MAGI3: variants seen among roughly 807,000 people sequenced by gnomAD.
MAGI3 encodes the protein membrane-associated guanylate kinase, WW and PDZ domain-containing protein 3.
In MAGI3, 43 loss-of-function variants were observed where a neutral mutation model predicts 121.8. That is an observed-to-expected ratio of 0.35 (90% CI 0.28 to 0.46). The LOEUF is 0.46. Among genes scored for constraint, MAGI3 ranks in the 20% least tolerant of loss-of-function variants. MAGI3 has a pLI of 1.00. For missense variants in MAGI3, 1,547 were observed against 1,797.3 expected (o/e 0.86, Z 2.52); for synonymous variants, 553 against 639.3 (o/e 0.86, Z 2.04).
chr1:113,535,196 C>G (rs901756894), intron 1 of MAGI3, among the ~76,000 whole-genome samples: 1 of 151,734 alleles, frequency 6.6e-6, no homozygotes, highest in Non-Finnish European at 1.5e-5. Flanking sequence ...TATTGTTTGC[C>G]TCAAAGATTA....
chr1:113,465,692 A>G (rs577220839), intron 1 of MAGI3, among the ~76,000 whole-genome samples: 2 of 152,258 alleles, frequency 1.3e-5, no homozygotes, highest in African/African-American at 2.4e-5. Context: ...TCAGTGTTAC[A>G]TAGTTTTCAA....
intron 4 of MAGI3, among the ~76,000 whole-genome samples, chr1:113,588,052 G>C (rs1648486306): frequency 6.6e-6 from 1 of 152,206 alleles, no homozygotes; most frequent in African/African-American, 2.4e-5. Context: ...ATACCTTCTG[G>C]TGGGAGAGAC....
intron 1 of MAGI3, among the ~76,000 whole-genome samples, chr1:113,397,370 GAATTGTGAAT>G (rs901317613): frequency 6.6e-6 from 1 of 152,116 alleles, no homozygotes; most frequent in Non-Finnish European, 1.5e-5. Context: ...GTTGAGGAAT[GAATTGTGAAT>G]AATTTTGAAC....
chr1:113,601,666 A>G (rs1304686520), intron 6 of MAGI3, among the ~76,000 whole-genome samples: 4 of 146,832 alleles, frequency 2.7e-5, no homozygotes, highest in Admixed American at 6.8e-5. Flanking sequence ...CAGTGTGGCG[A>G]TTCCTCAGGG....
chr1:113,430,918 A>C (rs909163645), intron 1 of MAGI3, among the ~76,000 whole-genome samples: 2 of 152,244 alleles, frequency 1.3e-5, no homozygotes, highest in African/African-American at 4.8e-5. Context: ...AATATGGCTC[A>C]CTGAATCAGT....
At chr1:113,513,713 A>G (rs1188683742) in intron 1 of MAGI3, among the ~76,000 whole-genome samples, 82 of 152,342 alleles carry the variant, frequency 5.4e-4, no homozygotes, top group Non-Finnish European at 5.9e-5. Context: ...GGACCTAGGC[A>G]TGGGCAAGGA....
chr1:113,641,847 CT>C lies in MAGI3; in HGVS notation c.1361-63del, dbSNP rs1557869675. 8 of 1,457,580 alleles carry C rather than the reference CT, an allele frequency of 5.5e-6. No individual in the cohort carries two copies. In the East Asian group the frequency reaches 9.4e-5, roughly 17 times the overall value. 90.3% of individuals were successfully genotyped at this position (1,457,580 alleles called of 1,614,324 possible). ...TGCTAAATTGTAGTTATTTTTGCCC[CT>C]CTAGCAAAAAAATTAACTTATTTGT... On this transcript the variant is annotated intron_variant, in intron 9 of 20. Coordinates refer to ENST00000307546, the MANE Select transcript of MAGI3 (RefSeq NM_001142782.2).
chr1:113,546,357 G>T (rs939803087), intron 1 of MAGI3, among the ~76,000 whole-genome samples: 6 of 152,006 alleles, frequency 3.9e-5, no homozygotes, highest in Admixed American at 3.3e-4. Flanking sequence ...TTATTTTTGA[G>T]ACAGAGTCCC....
intron 1 of MAGI3, among the ~76,000 whole-genome samples, chr1:113,456,023 T>C (rs948782682): frequency 6.6e-6 from 1 of 151,812 alleles, no homozygotes; most frequent in Non-Finnish European, 1.5e-5. Context: ...TGATCTCGGC[T>C]CATTGCAAGC....
intron 1 of MAGI3, among the ~76,000 whole-genome samples, chr1:113,433,702 T>C (rs1653417150): frequency 6.6e-6 from 1 of 152,226 alleles, no homozygotes; most frequent in Admixed American, 6.5e-5. Context: ...AACTCATAGA[T>C]AATAATAAAC....
chr1:113,591,263 GAAT>G (rs1484606781), intron 5 of MAGI3, among the ~76,000 whole-genome samples: 1 of 152,036 alleles, frequency 6.6e-6, no homozygotes, highest in African/African-American at 2.4e-5. Flanking sequence ...TTGTACTAGA[GAAT>G]AATATTATGC....
chr1:113,525,649 A>G (rs1011696740), intron 1 of MAGI3, among the ~76,000 whole-genome samples: 1 of 151,996 alleles, frequency 6.6e-6, no homozygotes, highest in African/African-American at 2.4e-5. Flanking sequence ...TGGTTTAATT[A>G]ATTAAACTTT....
In MAGI3 at chr1:113,461,363, A is replaced by C. The variant is rs142587863; in HGVS notation, c.316+70014A>C. Among the ~76,000 whole-genome samples, 190 of 152,310 alleles carry C rather than the reference A, an allele frequency of 1.2e-3. 2 individuals carry two copies. Among genetic ancestry groups the C allele is most frequent in the African/African-American group, 4.4e-3 (184 of 41,562 alleles). On this transcript the variant is annotated intron_variant, in intron 1 of 20. Coordinates refer to ENST00000307546, the MANE Select transcript of MAGI3 (RefSeq NM_001142782.2). ...ACAAGGTTACAGTCACCAGAACAGC[A>C]TGGTACAGGTACAAAAACAGGCACA... is the stretch of plus-strand genomic sequence containing the variant.
intron 9 of MAGI3, among the ~76,000 whole-genome samples, chr1:113,626,517 G>A (rs1419650626): frequency 6.6e-6 from 1 of 152,114 alleles, no homozygotes; most frequent in Non-Finnish European, 1.5e-5. Flanking sequence ...TTTCAGAATA[G>A]TTTGAGTAGG....
intron 1 of MAGI3, among the ~76,000 whole-genome samples, chr1:113,483,425 C>A (rs868043637): frequency 2.0e-5 from 3 of 152,036 alleles, no homozygotes; most frequent in Admixed American, 6.6e-5. Flanking sequence ...AAAGAGAGAC[C>A]CAAGAGAGTT....
chr1:113,683,632 A>G lies in MAGI3; in HGVS notation c.4064A>G (p.Glu1355Gly), dbSNP rs1376044681. The G allele has an allele frequency of 1.9e-6, 3 of 1,612,984 alleles. No homozygotes were observed. Among genetic ancestry groups the G allele is most frequent in the Non-Finnish European group, 2.5e-6 (3 of 1,179,626 alleles). Residue 1355 changes from glutamate (E) to glycine (G), a missense_variant, in exon 21 of 21, where the codon GAG (glutamate) becomes GGG (glycine). Glu to Gly is a moderately conservative substitution (Grantham distance 98). Coordinates refer to ENST00000307546, the MANE Select transcript of MAGI3 (RefSeq NM_001142782.2). ...GAAAAAAGCAGAACAAGGTCTCCAG[A>G]GAAAAAAATCAAAAGAATGGTTGAG... ...QLEKSRTRSP[E>G]KKIKRMVEKS...
At chr1:113,525,187 G>A (rs1319352188) in intron 1 of MAGI3, among the ~76,000 whole-genome samples, 1 of 152,140 alleles carries the variant, frequency 6.6e-6, no homozygotes, top group East Asian at 1.9e-4. Context: ...CATGAAAACG[G>A]ACTAATACAC....
At chr1:113,673,740 C>T (rs1247799499) in intron 19 of MAGI3, among the ~76,000 whole-genome samples, 1 of 152,224 alleles carries the variant, frequency 6.6e-6, no homozygotes, top group African/African-American at 2.4e-5. Context: ...TTCTTATTCA[C>T]ATAGTCAACA....
At chr1:113,583,845 G>A (rs1261553127) in intron 3 of MAGI3, among the ~76,000 whole-genome samples, 3 of 152,226 alleles carry the variant, frequency 2.0e-5, no homozygotes. Context: ...AAACAAGGGA[G>A]TAGGTGAGTA....
Sources: allele counts gnomAD v4.1 joint callset (sites outside exome capture counted in the v4.1 genomes callset), GRCh38; gene constraint gnomAD v4.1.1; transcripts MANE v1.5; gene names NCBI Gene and HGNC (gene_info 2026-07-23, HGNC 2026-07-21).